The following SLC1A2 variants were observed in gnomAD, a reference collection of about 807,000 sequenced individuals.
SLC1A2 encodes excitatory amino acid transporter 2.
SLC1A2 carries 15 observed loss-of-function variants against 48.8 expected under a neutral mutation model. The ratio of observed to expected loss-of-function variants is 0.31; its 90% CI spans 0.21 to 0.47. The LOEUF (loss-of-function observed/expected upper bound fraction) is 0.47. SLC1A2 is among the 20% of genes least tolerant of loss of function. The pLI, the probability that SLC1A2 is intolerant of heterozygous loss-of-function variation, is 0.99. For synonymous variants in SLC1A2, 279 were observed against 272.6 expected, an observed-to-expected ratio of 1.02 and a Z score of -0.23; for missense variants, 502 against 730.5, an observed-to-expected ratio of 0.69 and a Z score of 3.61.
intron 4 of SLC1A2, among the ~76,000 whole-genome samples, chr11:35,311,273 C>T (rs772904935): frequency 6.6e-6 from 1 of 152,156 alleles, no homozygotes; most frequent in Non-Finnish European, 1.5e-5. Context: ...AATTCTCTTG[C>T]CTCGGCCTCC....
chr11:35,354,279 C>A (rs1250588868), intron 1 of SLC1A2, among the ~76,000 whole-genome samples: 1 of 151,776 alleles, frequency 6.6e-6, no homozygotes. Context: ...TAACAAGACC[C>A]CGTGTCTACA....
rs546674176 is a variant in SLC1A2 at position 35,304,189 on chromosome 11, C to T, written c.730+1885G>A. Among the ~76,000 whole-genome samples the T allele has an allele frequency of 2.6e-5, 4 of 152,192 alleles. No individual in the cohort carries two copies. In the East Asian group the frequency reaches 7.7e-4, roughly 29 times the overall value. On this transcript the variant is annotated intron_variant, in intron 5 of 10. Transcript: ENST00000278379. ...CAGAGTAGTGAGTTGTGTTGAAACT[C>T]CCCAGTAGAGCCAAAGGTCCTGTGA... is the stretch of plus-strand genomic sequence containing the variant.
intron 1 of SLC1A2, among the ~76,000 whole-genome samples, chr11:35,401,798 T>A (rs938696303): frequency 1.3e-5 from 2 of 152,166 alleles, no homozygotes; most frequent in Non-Finnish European, 2.9e-5. Flanking sequence ...TGCTTTAAAG[T>A]GTTGGAAACC....
At position 35,290,715 on chromosome 11, in the gene SLC1A2, GT is replaced by G. The variant is rs770386027; in HGVS notation, c.1091+1571del. 8.9e-3 allele frequency among the ~76,000 whole-genome samples: 796 copies of G among 89,112 alleles called. 7 individuals are homozygous for G. Among genetic ancestry groups the G allele is most frequent in the African/African-American group, 0.023 (712 of 31,100 alleles). The allele number at this position is 89,112 out of a possible 152,430, so 58.5% of individuals were successfully genotyped here. Reference sequence around the variant, plus strand: ...CAAAAATAAAATTAAACCAGGTTGGGTTTTTTTTTTTTTCTCTTTTTCTTCA... The same window carrying G: ...CAAAAATAAAATTAAACCAGGTTGGGTTTTTTTTTTTTCTCTTTTTCTTCA... On this transcript the variant is annotated intron_variant, in intron 7 of 10. Transcript: ENST00000278379.
chr11:35,277,145 A>G (rs1342282767), intron 9 of SLC1A2, among the ~76,000 whole-genome samples: 1 of 152,208 alleles, frequency 6.6e-6, no homozygotes, highest in Non-Finnish European at 1.5e-5. Context: ...TATTGTTACA[A>G]TGGCAATTAA....
intron 9 of SLC1A2, among the ~76,000 whole-genome samples, chr11:35,267,017 A>G (rs1254589106): frequency 6.6e-6 from 1 of 152,220 alleles, no homozygotes; most frequent in African/African-American, 2.4e-5. Context: ...AAATATGATC[A>G]GAGCTGGAGT....
At chr11:35,307,598 C>A (rs570967631) in intron 4 of SLC1A2, among the ~76,000 whole-genome samples, 6 of 152,326 alleles carry the variant, frequency 3.9e-5, no homozygotes, top group African/African-American at 1.4e-4. Flanking sequence ...GATGGCTGAA[C>A]CCCGAATAGA....
intron 1 of SLC1A2, among the ~76,000 whole-genome samples, chr11:35,393,255 T>C (rs1240924012): frequency 6.6e-6 from 1 of 152,178 alleles, no homozygotes; most frequent in African/African-American, 2.4e-5. Flanking sequence ...TGTGGCTGTA[T>C]CTGTCTTCCA....
intron 1 of SLC1A2, among the ~76,000 whole-genome samples, chr11:35,357,278 G>C (rs1590224015): frequency 6.7e-6 from 1 of 148,194 alleles, no homozygotes; most frequent in Admixed American, 6.7e-5. Flanking sequence ...AAAAAAGTAA[G>C]AGTTTTTAAA....
chr11:35,370,964 C>T, intron 1 of SLC1A2: 1 of 985,232 alleles, frequency 1.0e-6, no homozygotes, highest in Non-Finnish European at 1.2e-6. Context: ...ATAAATCATT[C>T]CATTTCTGCC....
intron 1 of SLC1A2, among the ~76,000 whole-genome samples, chr11:35,374,837 A>G (rs1854174108): frequency 1.3e-5 from 2 of 152,164 alleles, no homozygotes; most frequent in African/African-American, 4.8e-5. Flanking sequence ...CTGTGTCATT[A>G]AGATATATCT....
chr11:35,314,056 G>A (rs991626979), intron 3 of SLC1A2, among the ~76,000 whole-genome samples: 1 of 152,182 alleles, frequency 6.6e-6, no homozygotes, highest in African/African-American at 2.4e-5. Context: ...CCCTGTTTGA[G>A]CAATATTATT....
At chr11:35,297,367 T>C (rs1288119409) in intron 6 of SLC1A2, among the ~76,000 whole-genome samples, 1 of 152,190 alleles carries the variant, frequency 6.6e-6, no homozygotes, top group Non-Finnish European at 1.5e-5. Context: ...AAATTCCCAC[T>C]TACCCATGTT....
chr11:35,402,369 G>A (rs1445482926), intron 1 of SLC1A2, among the ~76,000 whole-genome samples: 1 of 152,142 alleles, frequency 6.6e-6, no homozygotes, highest in Admixed American at 6.5e-5. Context: ...CCTGAACAAT[G>A]GGGTCTGAAA....
chr11:35,322,607 C>T, intron 1 of SLC1A2: 1 of 1,535,230 alleles, frequency 6.5e-7, no homozygotes, highest in Non-Finnish European at 8.7e-7. Context: ...TGGCCCCAGG[C>T]TTCAGGATCT....
At chr11:35,343,840 GCA>G (rs775705068) in intron 1 of SLC1A2, among the ~76,000 whole-genome samples, 45 of 149,472 alleles carry the variant, frequency 3.0e-4, no homozygotes, top group African/African-American at 9.8e-4. Flanking sequence ...ACACACACAG[GCA>G]CACACACACA....
chr11:35,315,297 T>A (rs1470025600), intron 2 of SLC1A2, 122 bp from the exon 3 acceptor site: 4 of 662,504 alleles, frequency 6.0e-6, no homozygotes, highest in Non-Finnish European at 1.0e-5. Flanking sequence ...TGATGAACAA[T>A]GTGTAACAAA....
intron 1 of SLC1A2, among the ~76,000 whole-genome samples, chr11:35,348,268 C>T (rs1341043314): frequency 1.3e-5 from 2 of 152,150 alleles, no homozygotes; most frequent in Non-Finnish European, 2.9e-5. Context: ...GAGCCAGAGG[C>T]ATGCTTGGCT....
chr11:35,347,685 T>G (rs1853092128), intron 1 of SLC1A2, among the ~76,000 whole-genome samples: 1 of 152,206 alleles, frequency 6.6e-6, no homozygotes, highest in Admixed American at 6.5e-5. Flanking sequence ...TGTATTTACC[T>G]CGGTGCCAGG....
Sources: allele counts gnomAD v4.1 joint callset (sites outside exome capture counted in the v4.1 genomes callset), GRCh38; gene constraint gnomAD v4.1.1; transcripts MANE v1.5; gene names NCBI Gene and HGNC (gene_info 2026-07-23, HGNC 2026-07-21).